Variants in LRRTM4 observed in about 807,000 individuals in gnomAD.
LRRTM4 encodes the protein leucine rich repeat transmembrane neuronal 4.
Under a neutral mutation model 47.6 loss-of-function variants are expected in LRRTM4, and 25 were observed. The observed-to-expected ratio is 0.53, with a 90% confidence interval of 0.38 to 0.73. LRRTM4 has a LOEUF of 0.73. Ranked by LOEUF, LRRTM4 falls within the 30% of genes least tolerant of loss-of-function variation. The pLI, the probability that LRRTM4 is intolerant of heterozygous loss-of-function variation, is 0.00. For missense variants in LRRTM4, 638 were observed against 713.4 expected (o/e 0.89, Z 1.20); for synonymous variants, 311 against 269.5 (o/e 1.15, Z -1.51).
At chr2:77,440,143 G>A (rs1477583129) in intron 3 of LRRTM4, among the ~76,000 whole-genome samples, 2 of 152,164 alleles carry the variant, frequency 1.3e-5, no homozygotes, top group Non-Finnish European at 2.9e-5. Flanking sequence ...GGCCGGGCGC[G>A]GTGGCTCACG....
At chr2:77,019,368 T>C (rs1229637657) in intron 3 of LRRTM4, among the ~76,000 whole-genome samples, 6 of 151,992 alleles carry the variant, frequency 3.9e-5, no homozygotes, top group African/African-American at 1.4e-4. Flanking sequence ...TATGCAACAT[T>C]GTGTAGTATC....
Position 76,992,538 on chromosome 2 carries a change from A to G in LRRTM4, c.1552-243622T>C, listed in dbSNP as rs186827763. Among the ~76,000 whole-genome samples the G allele has an allele frequency of 1.7e-3, 256 of 151,814 alleles. 1 individual carries two copies. The highest frequency in any genetic ancestry group is 2.0e-3 in the Non-Finnish European group (136 of 67,782). Reference sequence around the variant, plus strand: ...AACATTTTTCAACAGCCACAAAGAAAATGAAATATCTAGGAATATGGCTAG... The same window carrying G: ...AACATTTTTCAACAGCCACAAAGAAGATGAAATATCTAGGAATATGGCTAG... On this transcript the variant is annotated intron_variant, in intron 3 of 3. Coordinates refer to ENST00000409884, the MANE Select transcript of LRRTM4 (RefSeq NM_001134745.3).
At chr2:77,191,812 C>G (rs1291353045) in intron 3 of LRRTM4, among the ~76,000 whole-genome samples, 1 of 151,974 alleles carries the variant, frequency 6.6e-6, no homozygotes, top group African/African-American at 2.4e-5. Context: ...GGTGTGCTGG[C>G]TTGTTACATA....
rs113541022 is a variant in LRRTM4 at position 77,129,356 on chromosome 2, T to G, written c.1552-380440A>C. On this transcript the variant is annotated intron_variant, in intron 3 of 3. Coordinates refer to ENST00000409884, the MANE Select transcript of LRRTM4 (RefSeq NM_001134745.3). ...CTGCCACAGCCTAAGCAGTTACAGT[T>G]ATGATACCATCTGTCACAGAGTCTT... Among the ~76,000 whole-genome samples, 395 of 152,350 alleles carry G rather than the reference T, an allele frequency of 2.6e-3. 3 individuals carry two copies. Among genetic ancestry groups the G allele is most frequent in the African/African-American group, 9.3e-3 (385 of 41,588 alleles).
intron 3 of LRRTM4, among the ~76,000 whole-genome samples, chr2:77,249,330 A>C (rs968499325): frequency 6.6e-6 from 1 of 152,114 alleles, no homozygotes. Flanking sequence ...AGCCTGGGTG[A>C]CAATAGCAAA....
At position 77,160,797 on chromosome 2, in the gene LRRTM4, A is replaced by G. The variant is rs1453531326; in HGVS notation, c.1551+357521T>C. Among the ~76,000 whole-genome samples, 3 of 152,176 alleles carry G rather than the reference A, an allele frequency of 2.0e-5. No individual in the cohort carries two copies. The East Asian group carries it at 5.8e-4, about 29-fold the overall frequency. ...TGCCCTCATAAAATTAAAGGAGGCCACACGATTACAATTATGTTAGGTGCC... is the reference window on the plus strand; with the variant it reads ...TGCCCTCATAAAATTAAAGGAGGCCGCACGATTACAATTATGTTAGGTGCC... On this transcript the variant is annotated intron_variant, in intron 3 of 3. Transcript: ENST00000409884.
At chr2:77,150,968 G>A (rs1044849697) in intron 3 of LRRTM4, among the ~76,000 whole-genome samples, 3 of 152,004 alleles carry the variant, frequency 2.0e-5, no homozygotes, top group African/African-American at 7.2e-5. Context: ...ACACATTCAT[G>A]CACTGTTTTT....
chr2:77,130,770 C>T (rs1230001071), intron 3 of LRRTM4, among the ~76,000 whole-genome samples: 1 of 148,448 alleles, frequency 6.7e-6, no homozygotes, highest in Non-Finnish European at 1.5e-5. Flanking sequence ...CTCGGCCTCC[C>T]AAAGTGCTGG....
chr2:77,160,794 G>T (rs1368629126), intron 3 of LRRTM4, among the ~76,000 whole-genome samples: 2 of 152,088 alleles, frequency 1.3e-5, no homozygotes. Context: ...ATTAAAGGAG[G>T]CCACACGATT....
At chr2:77,484,960 A>G (rs1006261112) in intron 3 of LRRTM4, among the ~76,000 whole-genome samples, 7 of 152,258 alleles carry the variant, frequency 4.6e-5, no homozygotes, top group Non-Finnish European at 8.8e-5. Context: ...AACTTTGCAG[A>G]AAGACTAGGA....
intron 3 of LRRTM4, among the ~76,000 whole-genome samples, chr2:76,981,180 T>C (rs1676595666): frequency 6.6e-6 from 1 of 152,138 alleles, no homozygotes; most frequent in South Asian, 2.1e-4. Flanking sequence ...CAATATTCAT[T>C]GACTTTGTTT....
In LRRTM4 at chr2:77,495,499, G is replaced by A. The variant is rs190381687; in HGVS notation, c.1551+22819C>T. Among the ~76,000 whole-genome samples the A allele has an allele frequency of 3.2e-3, 481 of 151,802 alleles. 2 individuals are homozygous for A. Among genetic ancestry groups the A allele is most frequent in the African/African-American group, 0.011 (460 of 41,432 alleles). On this transcript the variant is annotated intron_variant, in intron 3 of 3. Transcript: ENST00000409884. The stretch of plus-strand genomic sequence containing the variant: ...TAAGGTCACCATTAATTTTTCCTAC[G>A]TTTTATTCTAGAATTTTTATGGTTT...
Position 77,244,501 on chromosome 2 carries a change from G to GA in LRRTM4, c.1551+273816dup, listed in dbSNP as rs376135510. On this transcript the variant is annotated intron_variant, in intron 3 of 3. Coordinates refer to ENST00000409884, the MANE Select transcript of LRRTM4 (RefSeq NM_001134745.3). ...AAATAATTTTGCACCAGAAGAATGG[G>GA]AAAAAAATGTTTAAGGAGATTGGTA... is the stretch of plus-strand genomic sequence containing the variant. Among the ~76,000 whole-genome samples, 478 of 152,054 alleles carry GA rather than the reference G, an allele frequency of 3.1e-3. 5 individuals carry two copies. Among genetic ancestry groups the GA allele is most frequent in the African/African-American group, 0.011 (448 of 41,482 alleles).
intron 3 of LRRTM4, among the ~76,000 whole-genome samples, chr2:77,501,634 T>G (rs368335271): frequency 1.3e-5 from 2 of 150,818 alleles, no homozygotes; most frequent in East Asian, 1.9e-4. Flanking sequence ...ATAGAATAAT[T>G]TATATATAAA....
In LRRTM4 at chr2:76,807,469, T is replaced by TACAC. The variant is rs1553412701; in HGVS notation, c.1552-58554_1552-58553insGTGT. Among the ~76,000 whole-genome samples the TACAC allele has an allele frequency of 4.0e-4, 28 of 69,894 alleles. 1 individual carries two copies. In the East Asian group the frequency reaches 4.3e-3, roughly 11 times the overall value. The allele number at this position is 69,894 out of a possible 152,430, so 45.9% of individuals were successfully genotyped here. A position where few individuals can be genotyped will look rare whatever the true frequency, so the allele number is the denominator to read the frequency against. On this transcript the variant is annotated intron_variant, in intron 3 of 3. Transcript: ENST00000409884. ...ACATATATATATATACATATATATA[T>TACAC]ACATATATATATATATACATATATA...
intron 3 of LRRTM4, among the ~76,000 whole-genome samples, chr2:77,453,738 T>G (rs968439397): frequency 3.3e-5 from 5 of 152,250 alleles, no homozygotes; most frequent in African/African-American, 1.2e-4. Context: ...GTATTTCTTT[T>G]GGTATGTCTT....
chr2:76,782,748 G>A (rs529641388), intron 3 of LRRTM4, among the ~76,000 whole-genome samples: 1 of 151,898 alleles, frequency 6.6e-6, no homozygotes, highest in Admixed American at 6.5e-5. Context: ...CATATTTATT[G>A]AAGAAATCCA....
intron 3 of LRRTM4, among the ~76,000 whole-genome samples, chr2:76,861,944 A>T (rs1034853423): frequency 6.6e-6 from 1 of 152,150 alleles, no homozygotes; most frequent in Non-Finnish European, 1.5e-5. Flanking sequence ...AAAGCAGCTA[A>T]ATCAATGTTG....
At chr2:76,964,395 C>T (rs1675956688) in intron 3 of LRRTM4, among the ~76,000 whole-genome samples, 1 of 150,822 alleles carries the variant, frequency 6.6e-6, no homozygotes, top group African/African-American at 2.4e-5. Context: ...TCAGGTCTAC[C>T]ATACAGAGTA....
Sources: allele counts gnomAD v4.1 joint callset (sites outside exome capture counted in the v4.1 genomes callset), GRCh38; gene constraint gnomAD v4.1.1; transcripts MANE v1.5; gene names NCBI Gene and HGNC (gene_info 2026-07-23, HGNC 2026-07-21).